Variants in CBX7 observed in about 807,000 individuals in gnomAD.
The protein encoded by CBX7 is chromobox 7, also known as chromobox protein homolog 7.
A neutral mutation model predicts 31.4 loss-of-function variants in CBX7; 14 were observed. That is an observed-to-expected ratio of 0.45 (90% CI 0.29 to 0.70). The LOEUF (loss-of-function observed/expected upper bound fraction) is 0.70, where lower values mean the gene tolerates loss of function less well. Among genes scored for constraint, CBX7 ranks in the 30% least tolerant of loss-of-function variants. The probability of loss-of-function intolerance (pLI) is 0.11; values close to 1 mark genes in which losing one functional copy is unlikely to be tolerated. For synonymous variants in CBX7, 159 were observed against 152.6 expected (o/e 1.04, Z -0.31); for missense variants, 269 against 351.9 (o/e 0.76, Z 1.89).
chr22:39,145,011 A>C (rs1322404524), intron 2 of CBX7, among the ~76,000 whole-genome samples: 1 of 151,986 alleles, frequency 6.6e-6, no homozygotes, highest in Non-Finnish European at 1.5e-5. Flanking sequence ...GGCTCCTCCC[A>C]GGCCACCGCG....
In CBX7 at chr22:39,134,555, G is replaced by C; in HGVS notation, c.444C>G (p.Tyr148Ter). The C allele has an allele frequency of 6.2e-7, 1 of 1,608,682 alleles. No individual in the cohort carries two copies. Among genetic ancestry groups the C allele is most frequent in the South Asian group, 1.1e-5 (1 of 90,206 alleles). ...PLRKPRKAHK[Y>*]LRLSRKKFPP... Reference sequence around the variant, plus strand: ...GGAACTTCTTGCGCGAGAGCCGCAGGTACTTGTGGGCCTTTCGGGGCTTGC... The same window carrying C: ...GGAACTTCTTGCGCGAGAGCCGCAGCTACTTGTGGGCCTTTCGGGGCTTGC... The change falls in exon 5 of 6, where the codon TAC (tyrosine) becomes TAG (stop). Residue 148 changes from tyrosine (Y) to a stop codon, truncating the protein, a stop_gained. Transcript: ENST00000216133. LOFTEE classifies it high-confidence loss of function.
chr22:39,143,127 G>T (rs1406916470), intron 2 of CBX7, among the ~76,000 whole-genome samples: 2 of 152,016 alleles, frequency 1.3e-5, no homozygotes, highest in East Asian at 1.9e-4. Flanking sequence ...GCTGGCGGGC[G>T]CCTGTAATCC....
chr22:39,133,446 C>T lies in CBX7; in HGVS notation c.*445G>A, dbSNP rs1930118815. 1 of 152,932 alleles carries T rather than the reference C, an allele frequency of 6.5e-6. No individual in the cohort carries two copies. The highest frequency in any genetic ancestry group is 1.5e-5 in the Non-Finnish European group (1 of 68,596). The allele number at this position is 152,932 out of a possible 1,614,324, so 9.5% of individuals were successfully genotyped here. ...TTGGTCAAAACCAGCCTCCACAGCC[C>T]ACCGCAAAGCCAGAGAGGAGAGTTC... On this transcript the variant is annotated 3_prime_UTR_variant, in exon 6 of 6. Transcript: ENST00000216133.
At chr22:39,136,043 T>C (rs1930240856) in intron 4 of CBX7, 1 of 142,340 alleles carries the variant, frequency 7.0e-6, no homozygotes, top group Non-Finnish European at 1.5e-5. Context: ...TGAGCAGAGA[T>C]CGCACCACTG....
chr22:39,146,936 T>C (rs534313723), intron 2 of CBX7, among the ~76,000 whole-genome samples: 15 of 152,160 alleles, frequency 9.9e-5, no homozygotes, highest in African/African-American at 3.6e-4. Flanking sequence ...TAATGTCACA[T>C]TCCCTGTCCC....
At chr22:39,150,009 G>A (rs541829398) in intron 1 of CBX7, among the ~76,000 whole-genome samples, 177 bp from the exon 2 acceptor site, 10 of 152,214 alleles carry the variant, frequency 6.6e-5, no homozygotes, top group East Asian at 5.8e-4. Flanking sequence ...CCATATAACC[G>A]CGACTGCTGC....
intron 2 of CBX7, chr22:39,148,721 A>C (rs2146371701): frequency 6.6e-6 from 1 of 152,538 alleles, no homozygotes; most frequent in Admixed American, 6.5e-5. Flanking sequence ...GTCACCCAGA[A>C]CATGTGCCCA....
intron 1 of CBX7, among the ~76,000 whole-genome samples, chr22:39,151,472 G>A (rs1930849527): frequency 6.6e-6 from 1 of 152,106 alleles, no homozygotes; most frequent in African/African-American, 2.4e-5. Context: ...CCTCTGCCTG[G>A]GCCTCAGTTT....
At chr22:39,143,143 A>G (rs1930518659) in intron 2 of CBX7, among the ~76,000 whole-genome samples, 1 of 151,900 alleles carries the variant, frequency 6.6e-6, no homozygotes, top group Admixed American at 6.6e-5. Flanking sequence ...AATCCCAGCT[A>G]CTCGGGAGGC....
chr22:39,148,986 CA>C (rs1166323324), intron 2 of CBX7: 1 of 152,330 alleles, frequency 6.6e-6, no homozygotes, highest in East Asian at 1.9e-4. Context: ...GGAGGCGGGG[CA>C]GGGGGTGGGG....
intron 3 of CBX7, among the ~76,000 whole-genome samples, chr22:39,139,702 C>CAAAAAAAA (rs67244690): frequency 1.6e-4 from 5 of 31,926 alleles, no homozygotes; most frequent in Admixed American, 3.4e-4. Context: ...GACTCCATCT[C>CAAAAAAAA]AAAAAAAAAA....
Position 39,152,655 on chromosome 22 carries a change from A to G in CBX7, c.-211T>C, listed in dbSNP as rs150296091. On this transcript the variant is annotated 5_prime_UTR_variant, in exon 1 of 6. Transcript: ENST00000216133. This position sits in a 1 kb window ranked among gnomAD's most constrained non-coding sequence, Gnocchi z 4.9. ...CCTGCGCAACGTTTTCCTCGGCGCC[A>G]GCGAGCGAGCGCGCGCAAGGAGGGG... is the stretch of plus-strand genomic sequence containing the variant. The G allele has an allele frequency of 0.043, 6,450 of 149,080 alleles. 180 individuals carry two copies. Among genetic ancestry groups the G allele is most frequent in the Middle Eastern group, 0.099 (29 of 294 alleles). The allele number at this position is 149,080 out of a possible 1,614,324, so 9.2% of individuals were successfully genotyped here. A position where few individuals can be genotyped will look rare whatever the true frequency, so the allele number is the denominator to read the frequency against.
intron 2 of CBX7, among the ~76,000 whole-genome samples, chr22:39,143,259 CA>C (rs1206926713): frequency 2.7e-5 from 4 of 150,268 alleles, no homozygotes; most frequent in Non-Finnish European, 4.4e-5. Context: ...AGCTCAAAAA[CA>C]ATGAAAATAA....
Position 39,134,459 on chromosome 22 carries a change from T to C in CBX7, c.540A>G (p.Pro180=). The C allele has an allele frequency of 6.2e-7, 1 of 1,607,774 alleles. No individual in the cohort carries two copies. Among genetic ancestry groups the C allele is most frequent in the Non-Finnish European group, 8.5e-7 (1 of 1,179,784 alleles). The change falls in exon 5 of 6, where the codon CCA becomes CCG. Residue 180 remains proline (P), a synonymous_variant. Transcript: ENST00000216133. ...RELFLQEPPA[P]DVLQAAGEWE... ...ACTCGCCAGCCGCCTGCAGGACGTC[T>C]GGGGCCGGTGGCTCCTGCAGGAAGA... is the stretch of plus-strand genomic sequence containing the variant.
At position 39,132,925 on chromosome 22, in the gene CBX7, G is replaced by A. The variant is rs749203514; in HGVS notation, c.*966C>T. On this transcript the variant is annotated 3_prime_UTR_variant, in exon 6 of 6. Coordinates refer to ENST00000216133, the MANE Select transcript of CBX7 (RefSeq NM_175709.5). The stretch of plus-strand genomic sequence containing the variant: ...TGATACATCACACAACTTAGCAGAC[G>A]CCTGCACACCCGCAGCCTGGCCCGG... The A allele has an allele frequency of 9.8e-5, 15 of 152,576 alleles. No homozygotes were observed. The highest frequency in any genetic ancestry group is 3.6e-4 in the African/African-American group (15 of 41,566). 9.5% of individuals were successfully genotyped at this position (152,576 alleles called of 1,614,324 possible). A position where few individuals can be genotyped will look rare whatever the true frequency, so the allele number is the denominator to read the frequency against.
rs1445678745 is a variant in CBX7, at chr22:39,134,705, C to T, written c.294G>A (p.Lys98=). The stretch of plus-strand genomic sequence containing the variant: ...ACGTCAGGGAGAAGCAGAGCTTCTC[C>T]TTGCCCTTGGCCTTGTGGGAGCTCC... ...DLRSSHKAKG[K]EKLCFSLTCP... is the part of the protein sequence containing the mutation. Residue 98 remains lysine, a synonymous_variant, in exon 5 of 6, where the codon AAG becomes AAA. Transcript: ENST00000216133. 1.3e-6 allele frequency: 2 copies of T among 1,577,216 alleles called. No homozygotes were observed. The highest frequency in any genetic ancestry group is 3.6e-5 in the Admixed American group (2 of 56,134).
In CBX7 at chr22:39,152,513, G is replaced by C. The variant is rs1204897063; in HGVS notation, c.-69C>G. Reference sequence around the variant, plus strand: ...GGCGGAGCTGCGGGGCCGCGGCTGCGGCGCGCGATGCTGGGGCTGGCGGGG... The same window carrying C: ...GGCGGAGCTGCGGGGCCGCGGCTGCCGCGCGCGATGCTGGGGCTGGCGGGG... On this transcript the variant is annotated 5_prime_UTR_variant, in exon 1 of 6. Transcript: ENST00000216133. The surrounding 1 kb of genome is among the most constrained non-coding windows in gnomAD (Gnocchi z 4.9). 1 of 698,160 alleles carries C rather than the reference G, an allele frequency of 1.4e-6. No individual in the cohort carries two copies. The highest frequency in any genetic ancestry group is 1.8e-6 in the Non-Finnish European group (1 of 568,246). The allele number at this position is 698,160 out of a possible 1,614,324, so 43.2% of individuals were successfully genotyped here.
Position 39,134,640 on chromosome 22 carries a change from G to A in CBX7, c.359C>T (p.Ala120Val), listed in dbSNP as rs146867783. 1.4e-5 allele frequency: 22 copies of A among 1,586,930 alleles called. No homozygotes were observed. The African/African-American group carries it at 1.6e-4, about 12-fold the overall frequency. Residue 120 changes from alanine to valine, a missense_variant, in exon 5 of 6, where the codon GCG (alanine) becomes GTG (valine). This residue lies in a region of CBX7 where 222 missense variants were observed against 240.4 expected (regional missense o/e 0.92). Coordinates refer to ENST00000216133, the MANE Select transcript of CBX7 (RefSeq NM_175709.5). ...CTTGTCCACCAGCTCAGGTGCCCCC[G>A]CCTTGACCACCCCCTCAGGGCTCCC... ...GSGSPEGVVK[A>V]GAPELVDKGP...
At chr22:39,141,182 A>G in intron 3 of CBX7, 189 bp downstream of exon 3, 1 of 542,118 alleles carries the variant, frequency 1.8e-6, no homozygotes, top group South Asian at 2.1e-5. Context: ...ACAACAGGAA[A>G]GGGCCCCAGG....
Sources: allele counts gnomAD v4.1 joint callset (sites outside exome capture counted in the v4.1 genomes callset), GRCh38; gene constraint gnomAD v4.1.1; regional missense constraint gnomAD v4.1.1; non-coding constraint Gnocchi (gnomAD v3.1); transcripts MANE v1.5; gene names NCBI Gene and HGNC (gene_info 2026-07-23, HGNC 2026-07-21).